The following NPFFR2 variants were observed in gnomAD, a reference collection of about 807,000 sequenced individuals.
The protein encoded by NPFFR2 is neuropeptide FF receptor 2.
A neutral mutation model predicts 13.1 loss-of-function variants in NPFFR2; 15 were observed. That is an observed-to-expected ratio of 1.15 (90% confidence interval 0.77 to 1.76). NPFFR2 has a LOEUF of 1.76. Among genes scored for constraint, NPFFR2 ranks in the 40% most tolerant of loss-of-function variants. The pLI, the probability that NPFFR2 is intolerant of heterozygous loss-of-function variation, is 0.00. For synonymous variants in NPFFR2, 190 were observed against 175.7 expected (o/e 1.08, Z -0.65); for missense variants, 572 against 503.5 (o/e 1.14, Z -1.30).
At chr4:72,143,931 C>T (rs987389695) in intron 3 of NPFFR2, among the ~76,000 whole-genome samples, 1 of 152,138 alleles carries the variant, frequency 6.6e-6, no homozygotes, top group African/African-American at 2.4e-5. Flanking sequence ...GATTCACATC[C>T]CTCGTTACCT....
At chr4:72,116,314 C>T (rs1400256044) in intron 1 of NPFFR2, among the ~76,000 whole-genome samples, 1 of 152,000 alleles carries the variant, frequency 6.6e-6, no homozygotes, top group Admixed American at 6.6e-5. Flanking sequence ...TAACTATAAT[C>T]TGCTTTCTTT....
rs373326565 is a variant in NPFFR2, at chr4:72,126,114, C to A, written c.-7-2471C>A. ...AATATTGCTAAACTGATGTTGAATT[C>A]TCATGCATTACATCAAGGAGCATAT... On this transcript the variant is annotated intron_variant, in intron 1 of 3. Transcript: ENST00000308744. 5.3e-5 allele frequency among the ~76,000 whole-genome samples: 8 copies of A among 152,128 alleles called. No homozygotes were observed. The East Asian group carries it at 1.3e-3, about 26-fold the overall frequency.
intron 2 of NPFFR2, 137 bp from the exon 3 acceptor site, chr4:72,137,903 C>A: frequency 1.5e-6 from 1 of 651,286 alleles, no homozygotes; most frequent in Non-Finnish European, 2.7e-6. Flanking sequence ...AGGGGAAATA[C>A]TGAGAAACAT....
chr4:72,118,170 G>A (rs1424822032), intron 1 of NPFFR2, among the ~76,000 whole-genome samples: 1 of 152,182 alleles, frequency 6.6e-6, no homozygotes, highest in Non-Finnish European at 1.5e-5. Context: ...CTGGAGAAGA[G>A]CTGCACGGAA....
intron 1 of NPFFR2, among the ~76,000 whole-genome samples, chr4:72,064,196 A>G (rs1055497684): frequency 2.6e-5 from 4 of 152,210 alleles, no homozygotes; most frequent in Admixed American, 2.0e-4. Context: ...AAACAACAAT[A>G]TTAATCTCAC....
chr4:72,066,614 A>G (rs1364922499), intron 1 of NPFFR2, among the ~76,000 whole-genome samples: 1 of 144,746 alleles, frequency 6.9e-6, no homozygotes, highest in East Asian at 2.0e-4. Flanking sequence ...AGGTGGTGGG[A>G]TGGGCACAAG....
chr4:72,099,228 G>A (rs144435342), intron 1 of NPFFR2, among the ~76,000 whole-genome samples: 38 of 152,180 alleles, frequency 2.5e-4, no homozygotes, highest in Admixed American at 3.9e-4. Flanking sequence ...TTCACCTCCT[G>A]ATAAATTGCT....
chr4:72,138,194 T>C, intron 3 of NPFFR2, 55 bp downstream of exon 3: 3 of 1,143,620 alleles, frequency 2.6e-6, no homozygotes, highest in Non-Finnish European at 2.6e-6. Context: ...GCAACTAGTA[T>C]ACCAGAAAAA....
At chr4:72,048,187 G>A (rs1362931752) in intron 1 of NPFFR2, among the ~76,000 whole-genome samples, 3 of 152,090 alleles carry the variant, frequency 2.0e-5, no homozygotes, top group Admixed American at 6.6e-5. Context: ...AAGATTCAAT[G>A]GGGAGCAACG....
intron 2 of NPFFR2, among the ~76,000 whole-genome samples, chr4:72,132,074 G>A (rs751300004): frequency 6.6e-6 from 1 of 151,532 alleles, no homozygotes; most frequent in Non-Finnish European, 1.5e-5. Flanking sequence ...CTTGTGTCAT[G>A]GGGGTTTGTT....
At chr4:72,121,877 A>G (rs1168316321) in intron 1 of NPFFR2, among the ~76,000 whole-genome samples, 5 of 152,178 alleles carry the variant, frequency 3.3e-5, no homozygotes, top group Admixed American at 3.3e-4. Context: ...CATCATAATG[A>G]GAGGATAAAA....
intron 2 of NPFFR2, among the ~76,000 whole-genome samples, chr4:72,135,397 G>A (rs1018319131): frequency 1.3e-5 from 2 of 151,690 alleles, no homozygotes; most frequent in Non-Finnish European, 2.9e-5. Context: ...TAGAGATTCT[G>A]GATTGCTCTT....
At chr4:72,094,449 G>A (rs960719061) in intron 1 of NPFFR2, among the ~76,000 whole-genome samples, 1 of 152,094 alleles carries the variant, frequency 6.6e-6, no homozygotes, top group Non-Finnish European at 1.5e-5. Flanking sequence ...CAGCTACCAG[G>A]GCAGGTAGAG....
At chr4:72,122,950 C>A (rs1721931513) in intron 1 of NPFFR2, among the ~76,000 whole-genome samples, 1 of 152,100 alleles carries the variant, frequency 6.6e-6, no homozygotes, top group African/African-American at 2.4e-5. Context: ...TTGAAAATAT[C>A]AATGAATCCA....
chr4:72,111,327 A>G (rs967888734), intron 1 of NPFFR2, among the ~76,000 whole-genome samples: 2 of 152,050 alleles, frequency 1.3e-5, no homozygotes, highest in African/African-American at 2.4e-5. Context: ...GTGAGAATGC[A>G]TATTGTACCT....
intron 1 of NPFFR2, among the ~76,000 whole-genome samples, chr4:72,090,083 C>G (rs895480694): frequency 6.6e-6 from 1 of 152,052 alleles, no homozygotes; most frequent in Non-Finnish European, 1.5e-5. Context: ...ATAGGGTGTC[C>G]TTTCTCCACT....
At chr4:72,077,133 C>T (rs1306080241) in intron 1 of NPFFR2, among the ~76,000 whole-genome samples, 1 of 151,956 alleles carries the variant, frequency 6.6e-6, no homozygotes, top group African/African-American at 2.4e-5. Flanking sequence ...CATTGGTTTC[C>T]ATTTTCTACC....
intron 3 of NPFFR2, among the ~76,000 whole-genome samples, chr4:72,140,624 G>A (rs371019148): frequency 5.3e-5 from 8 of 152,112 alleles, no homozygotes; most frequent in African/African-American, 1.4e-4. Context: ...TGATCATGGT[G>A]GATAAGTTTT....
chr4:72,032,022 G>A lies in NPFFR2; in HGVS notation c.-186G>A. 1.2e-6 allele frequency: 2 copies of A among 1,613,888 alleles called. No homozygotes were observed. Among genetic ancestry groups the A allele is most frequent in the South Asian group, 1.1e-5 (1 of 91,044 alleles). ...AGCACTCAGCGTCCAGCAGCGCGGC[G>A]GGCCAGCCTGGAGCGGAAGCCTGGA... is the stretch of plus-strand genomic sequence containing the variant. On this transcript the variant is annotated 5_prime_UTR_variant, in exon 1 of 4. Transcript: ENST00000308744.
Sources: gnomAD v4.1 joint callset for allele counts (sites outside exome capture counted in the v4.1 genomes callset) on GRCh38, gnomAD v4.1.1 for gene constraint, MANE v1.5 for transcripts, NCBI Gene and HGNC (gene_info 2026-07-23, HGNC 2026-07-21) for gene names.